The following NAV2 variants were observed in gnomAD, a reference collection of about 807,000 sequenced individuals.
NAV2 encodes the protein helicase, APC down-regulated 1.
Under a neutral mutation model 223.2 loss-of-function variants are expected in NAV2, and 54 were observed. The observed-to-expected ratio is 0.24, with a 90% confidence interval of 0.19 to 0.30. The LOEUF (loss-of-function observed/expected upper bound fraction) is 0.30, where lower values mean the gene tolerates loss of function less well. Among genes scored for constraint, NAV2 ranks in the 10% least tolerant of loss-of-function variants. The pLI, the probability that NAV2 is intolerant of heterozygous loss-of-function variation, is 1.00. For missense variants in NAV2, 2,806 were observed against 3,147.5 expected (o/e 0.89, Z 2.60); for synonymous variants, 1,279 against 1,239.3 (o/e 1.03, Z -0.67).
At position 20,077,543 on chromosome 11, in the gene NAV2, C is replaced by T; in HGVS notation, c.4984-9C>T. ...GGTAATATAACTGAGGTTGTGTCTT[C>T]CCCTCCAGGCTCACCTTGTGGCAGC... is the stretch of plus-strand genomic sequence containing the variant. On this transcript the variant is annotated splice_polypyrimidine_tract_variant and intron_variant, in intron 22 of 37. Coordinates refer to ENST00000349880, the MANE Select transcript of NAV2 (RefSeq NM_145117.5). 1 of 1,608,916 alleles carries T rather than the reference C, an allele frequency of 6.2e-7. No homozygotes were observed. The highest frequency in any genetic ancestry group is 8.5e-7 in the Non-Finnish European group (1 of 1,175,368).
intron 1 of NAV2, among the ~76,000 whole-genome samples, chr11:19,381,588 A>AG: frequency 6.6e-6 from 1 of 152,262 alleles, no homozygotes; most frequent in Middle Eastern, 3.4e-3. Flanking sequence ...TGCCCAGGGA[A>AG]GAGGGCATGG....
intron 1 of NAV2, among the ~76,000 whole-genome samples, chr11:19,645,943 C>G (rs577225346): frequency 6.6e-6 from 1 of 152,308 alleles, no homozygotes; most frequent in African/African-American, 2.4e-5. Flanking sequence ...AAAACCAAGT[C>G]TAACTCCAAA....
chr11:19,997,765 A>G (rs745573679), intron 11 of NAV2, among the ~76,000 whole-genome samples: 1 of 152,184 alleles, frequency 6.6e-6, no homozygotes, highest in Non-Finnish European at 1.5e-5. Context: ...AGGGGAGGGC[A>G]GGCCGCTGTT....
At chr11:19,709,376 A>T (rs543231635), upstream of NAV2, among the ~76,000 whole-genome samples, 2 of 151,874 alleles carry the variant, frequency 1.3e-5, no homozygotes, top group East Asian at 3.9e-4. Flanking sequence ...CCCCGTCTCT[A>T]CTAAAAATAC....
At chr11:19,655,831 A>G (rs1020210179) in intron 1 of NAV2, among the ~76,000 whole-genome samples, 2 of 152,108 alleles carry the variant, frequency 1.3e-5, no homozygotes, top group African/African-American at 4.8e-5. Flanking sequence ...AACATGGCAC[A>G]TGCATACATA....
chr11:19,675,641 C>T (rs892770002), intron 1 of NAV2, among the ~76,000 whole-genome samples: 1 of 152,122 alleles, frequency 6.6e-6, no homozygotes, highest in Non-Finnish European at 1.5e-5. Flanking sequence ...TGGTAGGAAG[C>T]TTCCTTCTAT....
At chr11:19,637,247 G>A (rs1250033035) in intron 1 of NAV2, among the ~76,000 whole-genome samples, 1 of 152,134 alleles carries the variant, frequency 6.6e-6, no homozygotes, top group African/African-American at 2.4e-5. Context: ...CTGGCCCATT[G>A]AGTTGAGATT....
intron 20 of NAV2, among the ~76,000 whole-genome samples, chr11:20,064,432 C>G (rs188907216): frequency 6.6e-6 from 1 of 152,146 alleles, no homozygotes; most frequent in Admixed American, 6.5e-5. Context: ...AGTGCCCAGC[C>G]CCGTGTTTTC....
chr11:19,938,423 C>T (rs1225151217), intron 7 of NAV2, among the ~76,000 whole-genome samples: 1 of 152,156 alleles, frequency 6.6e-6, no homozygotes, highest in African/African-American at 2.4e-5. Context: ...GAGGGTGCAG[C>T]CACCACTTGG....
At chr11:19,808,452 A>G (rs1172790358) in intron 1 of NAV2, among the ~76,000 whole-genome samples, 1 of 152,258 alleles carries the variant, frequency 6.6e-6, no homozygotes, top group African/African-American at 2.4e-5. Flanking sequence ...ATTTGCATCC[A>G]TGAAGCAGAT....
chr11:20,048,885 C>A lies in NAV2; in HGVS notation c.4060C>A (p.Pro1354Thr), dbSNP rs535430491. Residue 1354 changes from proline to threonine, a missense_variant, in exon 15 of 38, where the codon CCT (proline) becomes ACT (threonine). Physicochemically the swap from Pro to Thr is conservative, Grantham distance 38. Coordinates refer to ENST00000349880, the MANE Select transcript of NAV2 (RefSeq NM_145117.5). Reference protein sequence around the residue: ...SGVLSSGSSSPLYSKNVDLNQ... With the variant: ...SGVLSSGSSSTLYSKNVDLNQ... ...CGTCCTGAGCAGTGGGAGCAGCAGT[C>A]CTCTCTACAGCAAGAATGTGGACCT... The A allele has an allele frequency of 6.2e-7, 1 of 1,614,220 alleles. No homozygotes were observed. The highest frequency in any genetic ancestry group is 1.7e-5 in the Admixed American group (1 of 60,034).
At chr11:19,593,629 G>A (rs922388426) in intron 1 of NAV2, among the ~76,000 whole-genome samples, 4 of 152,166 alleles carry the variant, frequency 2.6e-5, no homozygotes, top group Non-Finnish European at 5.9e-5. Context: ...AACTCTTTCC[G>A]AGAGTGGCTG....
chr11:20,090,670 T>C (rs1299505128), intron 26 of NAV2, among the ~76,000 whole-genome samples, 195 bp from the exon 27 acceptor site: 2 of 152,058 alleles, frequency 1.3e-5, no homozygotes, highest in East Asian at 3.9e-4. Context: ...ATAAACCAAT[T>C]TAAAGAAGAA....
At chr11:20,055,602 C>T (rs756224422) in intron 18 of NAV2, among the ~76,000 whole-genome samples, 167 bp from the exon 19 acceptor site, 15 of 152,262 alleles carry the variant, frequency 9.9e-5, no homozygotes, top group Admixed American at 3.3e-4. Context: ...TTTTAGCTCC[C>T]GGTGTGTAAC....
intron 1 of NAV2, among the ~76,000 whole-genome samples, chr11:19,641,112 C>T (rs1565128942): frequency 6.6e-6 from 1 of 152,262 alleles, no homozygotes; most frequent in East Asian, 1.9e-4. Flanking sequence ...CAGACAGGCC[C>T]CTGTGGTAGC....
rs754590368 is a variant in NAV2 at position 19,713,985 on chromosome 11, G to T, written c.267+23G>T. ...CAGGTGAGAGATGCCGTTTGCCGGG[G>T]TACTGTTCTGGAAGGATGGATGAAT... On this transcript the variant is annotated intron_variant, in intron 1 of 37. Coordinates refer to ENST00000349880, the MANE Select transcript of NAV2 (RefSeq NM_145117.5). This position sits in a 1 kb window ranked among gnomAD's most constrained non-coding sequence, Gnocchi z 7.2. The T allele has an allele frequency of 1.9e-6, 3 of 1,611,748 alleles. No individual in the cohort carries two copies. The highest frequency in any genetic ancestry group is 1.7e-6 in the Non-Finnish European group (2 of 1,179,326).
intron 6 of NAV2, among the ~76,000 whole-genome samples, chr11:19,918,970 A>G (rs2044039691): frequency 1.3e-5 from 2 of 152,240 alleles, no homozygotes; most frequent in Admixed American, 1.3e-4. Flanking sequence ...TACACCATAT[A>G]TCCATTGCTG....
intron 1 of NAV2, among the ~76,000 whole-genome samples, chr11:19,672,703 A>G (rs1193454518): frequency 6.6e-6 from 1 of 152,090 alleles, no homozygotes; most frequent in African/African-American, 2.4e-5. Flanking sequence ...AGCCTAAGAG[A>G]TGACGCAAGC....
intron 35 of NAV2, 154 bp from the exon 36 acceptor site, chr11:20,107,510 C>A: frequency 1.5e-6 from 1 of 656,882 alleles, no homozygotes; most frequent in Non-Finnish European, 2.7e-6. Flanking sequence ...TGGCCACCAT[C>A]CAGGGCTAGT....
Sources: allele counts gnomAD v4.1 joint callset (sites outside exome capture counted in the v4.1 genomes callset), GRCh38; gene constraint gnomAD v4.1.1; non-coding constraint Gnocchi (gnomAD v3.1); transcripts MANE v1.5; gene names NCBI Gene and HGNC (gene_info 2026-07-23, HGNC 2026-07-21).